DHRS12: variants seen among roughly 807,000 people sequenced by gnomAD.
DHRS12 encodes dehydrogenase/reductase 12.
In DHRS12, 29 loss-of-function variants were observed where a neutral mutation model predicts 32.1. The observed-to-expected ratio is 0.90, with a 90% CI of 0.67 to 1.23. The LOEUF (loss-of-function observed/expected upper bound fraction) is 1.23, where lower values mean the gene tolerates loss of function less well. DHRS12 is among the 50% of genes most tolerant of loss of function. The probability of loss-of-function intolerance (pLI) is 0.00; values close to 1 mark genes in which losing one functional copy is unlikely to be tolerated. For synonymous variants in DHRS12, 150 were observed against 135.9 expected (o/e 1.10, Z -0.72); for missense variants, 330 against 337.2 (o/e 0.98, Z 0.17).
chr13:51,803,496 C>G (rs1353063164), intron 1 of DHRS12: 3 of 152,284 alleles, frequency 2.0e-5, no homozygotes, highest in Non-Finnish European at 2.9e-5. Context: ...GGAGAGCCAA[C>G]TAGGGCACAC....
At chr13:51,774,258 A>G (rs907274596) in intron 5 of DHRS12, 70 of 418,546 alleles carry the variant, frequency 1.7e-4, no homozygotes, top group Non-Finnish European at 2.9e-5. Context: ...TCCTACATGT[A>G]TTCTCCTACA....
At chr13:51,790,755 C>G (rs997867606) in intron 3 of DHRS12, among the ~76,000 whole-genome samples, 3 of 152,056 alleles carry the variant, frequency 2.0e-5, no homozygotes, top group African/African-American at 7.2e-5. Context: ...CTGAGTCTAC[C>G]CAGGCTCTCC....
chr13:51,798,693 G>A (rs1955616681), intron 2 of DHRS12, among the ~76,000 whole-genome samples: 1 of 151,680 alleles, frequency 6.6e-6, no homozygotes, highest in South Asian at 2.1e-4. Flanking sequence ...TGATATAATA[G>A]TCCCCTGAAA....
In DHRS12 at chr13:51,771,919, G is replaced by T. The variant is rs1460704508; in HGVS notation, c.469-8C>A. The T allele has an allele frequency of 1.2e-6, 2 of 1,613,882 alleles. No individual in the cohort carries two copies. Among genetic ancestry groups the T allele is most frequent in the Non-Finnish European group, 1.7e-6 (2 of 1,179,954 alleles). Reference sequence around the variant, plus strand: ...CAGAACCACTTGCTGCCTCTGGACAGGAAGGAGCGAGGGGGTGAACAGGAG... The same window carrying T: ...CAGAACCACTTGCTGCCTCTGGACATGAAGGAGCGAGGGGGTGAACAGGAG... On this transcript the variant is annotated splice_region_variant and splice_polypyrimidine_tract_variant and intron_variant, in intron 6 of 8. Transcript: ENST00000444610.
intron 5 of DHRS12, 75 bp from the exon 6 acceptor site, chr13:51,774,109 G>A (rs887299558): frequency 3.6e-6 from 5 of 1,390,760 alleles, no homozygotes; most frequent in Non-Finnish European, 5.0e-6. Flanking sequence ...GTAGAGCAGT[G>A]CTTCTTGCTG....
At chr13:51,793,304 A>C (rs150867398) in intron 2 of DHRS12, among the ~76,000 whole-genome samples, 7 of 152,294 alleles carry the variant, frequency 4.6e-5, no homozygotes, top group African/African-American at 1.2e-4. Flanking sequence ...CTTATCACTA[A>C]CCCAAGGCAG....
chr13:51,776,962 G>GTGGACT, intron 5 of DHRS12, 98 bp downstream of exon 5: 1 of 1,347,706 alleles, frequency 7.4e-7, no homozygotes, highest in Non-Finnish European at 1.1e-6. Context: ...TGGACAGAAT[G>GTGGACT]GCCCCCTTAG....
At chr13:51,790,177 C>A in intron 3 of DHRS12, 85 bp from the exon 4 acceptor site, 1 of 1,002,936 alleles carries the variant, frequency 1.0e-6, no homozygotes, top group Non-Finnish European at 1.4e-6. Context: ...CTACCCCACC[C>A]CCAGCTCTTT....
chr13:51,771,856 A>G lies in DHRS12; in HGVS notation c.524T>C (p.Phe175Ser). The G allele has an allele frequency of 6.2e-7, 1 of 1,614,174 alleles. No homozygotes were observed. The highest frequency in any genetic ancestry group is 8.5e-7 in the Non-Finnish European group (1 of 1,180,018). ...GGCCCAGCCAGGATGCATGGAAGAA[A>G]AATGGATGGCCGGGTGCCCTTGGGC... ...RWAQGHPAIH[F>S]SSMHPGWADT... Residue 175 changes from phenylalanine (F) to serine (S), a missense_variant, in exon 7 of 9, where the codon TTT becomes TCT. By Grantham distance (155) the Phe-to-Ser change is radical. Transcript: ENST00000444610.
intron 2 of DHRS12, among the ~76,000 whole-genome samples, chr13:51,798,603 G>A (rs537905530): frequency 2.6e-5 from 4 of 152,186 alleles, no homozygotes; most frequent in East Asian, 3.9e-4. Context: ...CCTCCTCTCC[G>A]CACTTCAGAG....
chr13:51,777,199 A>C, intron 4 of DHRS12, 78 bp from the exon 5 acceptor site: 1 of 1,548,422 alleles, frequency 6.5e-7, no homozygotes, highest in Non-Finnish European at 8.9e-7. Flanking sequence ...TGATGTGGGG[A>C]CTGTCTGCCC....
At chr13:51,800,309 A>G (rs992742457) in intron 1 of DHRS12, among the ~76,000 whole-genome samples, 3 of 152,176 alleles carry the variant, frequency 2.0e-5, no homozygotes, top group African/African-American at 7.2e-5. Flanking sequence ...ATTTTTTCTG[A>G]TTTGCACAAA....
intron 6 of DHRS12, 60 bp from the exon 7 acceptor site, chr13:51,771,971 C>T: frequency 6.4e-7 from 1 of 1,554,844 alleles, no homozygotes; most frequent in Non-Finnish European, 8.9e-7. Context: ...GGTGCAAGGG[C>T]AGGGGATAAG....
chr13:51,783,585 G>C (rs140686025), intron 4 of DHRS12, among the ~76,000 whole-genome samples: 2 of 152,032 alleles, frequency 1.3e-5, no homozygotes, highest in African/African-American at 2.4e-5. Context: ...GGTGTGATTC[G>C]GAAGAACTCT....
chr13:51,757,224 CATTG>C, the DHRS12 span, among the ~76,000 whole-genome samples: 15 of 152,120 alleles, frequency 9.9e-5, no homozygotes, highest in Admixed American at 2.0e-4. Context: ...CATTTATGTT[CATTG>C]ATTATTTTCT....
intron 2 of DHRS12, chr13:51,797,834 C>T (rs1955577097): frequency 2.6e-6 from 4 of 1,535,276 alleles, no homozygotes; most frequent in Non-Finnish European, 2.6e-6. Context: ...ACCTGGTTAC[C>T]GCTCTCCCGG....
At chr13:51,777,152 G>A in intron 4 of DHRS12, 31 bp from the exon 5 acceptor site, 1 of 1,613,324 alleles carries the variant, frequency 6.2e-7, no homozygotes, top group East Asian at 2.2e-5. Context: ...CCATGAGGGG[G>A]CTGCAGGAAG....
intron 5 of DHRS12, 49 bp downstream of exon 5, chr13:51,777,011 T>A (rs770486073): frequency 2.1e-5 from 34 of 1,610,552 alleles, no homozygotes; most frequent in Middle Eastern, 3.3e-4. Context: ...TGACTTCCCA[T>A]CAGGAGCAAA....
chr13:51,786,381 C>T (rs1228251146), intron 4 of DHRS12, among the ~76,000 whole-genome samples: 1 of 152,196 alleles, frequency 6.6e-6, no homozygotes, highest in Non-Finnish European at 1.5e-5. Context: ...CCCTCCCTCT[C>T]CCATCTGTCT....
Sources: gnomAD v4.1 joint callset for allele counts (sites outside exome capture counted in the v4.1 genomes callset) on GRCh38, gnomAD v4.1.1 for gene constraint, MANE v1.5 for transcripts, NCBI Gene and HGNC (gene_info 2026-07-23, HGNC 2026-07-21) for gene names.